KLHL32: variants seen among roughly 807,000 people sequenced by gnomAD.
The protein encoded by KLHL32 is kelch-like protein 32.
KLHL32 carries 35 observed loss-of-function variants against 64.8 expected under a neutral mutation model. The observed-to-expected ratio is 0.54, with a 90% CI of 0.41 to 0.72. KLHL32 has a LOEUF of 0.72. Ranked by LOEUF, KLHL32 falls within the 30% of genes least tolerant of loss-of-function variation. The pLI, the probability that KLHL32 is intolerant of heterozygous loss-of-function variation, is 0.00. For missense variants in KLHL32, 589 were observed against 768.5 expected (o/e 0.77, Z 2.76); for synonymous variants, 259 against 281.0 (o/e 0.92, Z 0.78).
intron 1 of KLHL32, among the ~76,000 whole-genome samples, chr6:96,928,713 C>T (rs1769478437): frequency 6.6e-6 from 1 of 152,002 alleles, no homozygotes; most frequent in African/African-American, 2.4e-5. Flanking sequence ...AAAGCATACA[C>T]GTTTTATATG....
intron 4 of KLHL32, among the ~76,000 whole-genome samples, chr6:97,049,366 G>A (rs1786465344): frequency 6.6e-6 from 1 of 152,140 alleles, no homozygotes; most frequent in Non-Finnish European, 1.5e-5. Flanking sequence ...GTTACTAACA[G>A]GCAGAGAGCA....
intron 5 of KLHL32, among the ~76,000 whole-genome samples, chr6:97,075,688 C>T (rs1791493419): frequency 6.6e-6 from 1 of 152,104 alleles, no homozygotes; most frequent in Non-Finnish European, 1.5e-5. Flanking sequence ...GCTTTCTCTA[C>T]TCCTGGAGTA....
chr6:97,032,015 C>G (rs1010167145), intron 3 of KLHL32, among the ~76,000 whole-genome samples: 1 of 152,174 alleles, frequency 6.6e-6, no homozygotes, highest in Non-Finnish European at 1.5e-5. Flanking sequence ...CCTATAACAA[C>G]CCTGTGAAGT....
chr6:97,052,739 G>A (rs763274499), intron 4 of KLHL32, among the ~76,000 whole-genome samples: 11 of 152,140 alleles, frequency 7.2e-5, no homozygotes, highest in Non-Finnish European at 1.6e-4. Context: ...GATTGAGAAG[G>A]ACTTCTTAAA....
chr6:96,974,799 T>C (rs915641444), intron 2 of KLHL32, among the ~76,000 whole-genome samples: 1 of 152,230 alleles, frequency 6.6e-6, no homozygotes, highest in African/African-American at 2.4e-5. Flanking sequence ...ACTAGGCTGG[T>C]GGCAACTCTG....
intron 8 of KLHL32, 135 bp from the exon 9 acceptor site, chr6:97,130,622 T>C: frequency 1.6e-6 from 1 of 626,526 alleles, no homozygotes; most frequent in East Asian, 2.8e-5. Flanking sequence ...TCAATATATA[T>C]AAACAACATT....
At chr6:97,064,605 A>G (rs370277937) in intron 4 of KLHL32, 23 bp from the exon 5 acceptor site, 1 of 1,581,966 alleles carries the variant, frequency 6.3e-7, no homozygotes, top group African/African-American at 1.3e-5. Context: ...TGATAGTTTT[A>G]TTTTTGTTAA....
intron 4 of KLHL32, among the ~76,000 whole-genome samples, chr6:97,062,782 A>G (rs1789122501): frequency 2.6e-5 from 4 of 152,368 alleles, no homozygotes; most frequent in South Asian, 2.1e-4. Context: ...AAATTAGCAA[A>G]TAGGCAAAAA....
intron 3 of KLHL32, among the ~76,000 whole-genome samples, chr6:96,988,915 G>A (rs926384950): frequency 3.9e-4 from 59 of 152,116 alleles, no homozygotes; most frequent in African/African-American, 1.4e-3. Context: ...GAGAACACAT[G>A]GAGACAGGAA....
At chr6:97,033,738 C>T (rs975939444) in intron 3 of KLHL32, among the ~76,000 whole-genome samples, 1 of 152,068 alleles carries the variant, frequency 6.6e-6, no homozygotes, top group Non-Finnish European at 1.5e-5. Context: ...GAGGAGACCC[C>T]TCATTGTGGT....
At chr6:96,983,049 G>A (rs563871899) in intron 3 of KLHL32, among the ~76,000 whole-genome samples, 5 of 152,320 alleles carry the variant, frequency 3.3e-5, no homozygotes, top group African/African-American at 9.6e-5. Flanking sequence ...TTTGAGATAC[G>A]TCCCATCAAT....
chr6:96,969,035 G>C (rs763056427), intron 2 of KLHL32, among the ~76,000 whole-genome samples: 4 of 152,124 alleles, frequency 2.6e-5, no homozygotes, highest in Non-Finnish European at 5.9e-5. Context: ...TGTAGTCGGG[G>C]TCATTGTCCT....
At chr6:96,980,988 G>A (rs918619413) in intron 3 of KLHL32, among the ~76,000 whole-genome samples, 13 of 147,700 alleles carry the variant, frequency 8.8e-5, no homozygotes, top group Non-Finnish European at 1.6e-4. Flanking sequence ...AGCAAGAAGT[G>A]CAGAGCAAAG....
chr6:97,107,177 C>T (rs549516708), intron 6 of KLHL32, among the ~76,000 whole-genome samples: 148 of 151,988 alleles, frequency 9.7e-4, no homozygotes, highest in African/African-American at 3.5e-3. Context: ...CCTGTAGTCC[C>T]AGCTACTCGG....
chr6:97,115,613 G>A (rs114490679), intron 7 of KLHL32, among the ~76,000 whole-genome samples: 116 of 152,314 alleles, frequency 7.6e-4, no homozygotes, highest in African/African-American at 2.8e-3. Flanking sequence ...TACAGAAGGA[G>A]TCTGTGAGGC....
chr6:97,098,360 G>A (rs1274865418), intron 6 of KLHL32, among the ~76,000 whole-genome samples: 1 of 151,906 alleles, frequency 6.6e-6, no homozygotes, highest in Non-Finnish European at 1.5e-5. Flanking sequence ...TTTATTTGTT[G>A]TCTTCATTAT....
chr6:97,139,111 T>A lies in KLHL32; in HGVS notation c.1702-10T>A. 5 of 1,603,306 alleles carry A rather than the reference T, an allele frequency of 3.1e-6. No individual in the cohort carries two copies. The highest frequency in any genetic ancestry group is 4.2e-6 in the Non-Finnish European group (5 of 1,176,670). ...TTGATACACAAGCTTCTTCTCTTCC[T>A]CTTTTGTAGGTACTGGATGTAAGCA... On this transcript the variant is annotated splice_polypyrimidine_tract_variant and intron_variant, in intron 10 of 10. Coordinates refer to ENST00000369261, the MANE Select transcript of KLHL32 (RefSeq NM_052904.4).
At chr6:97,122,477 G>A (rs1798465506) in intron 7 of KLHL32, among the ~76,000 whole-genome samples, 1 of 152,064 alleles carries the variant, frequency 6.6e-6, no homozygotes, top group African/African-American at 2.4e-5. Flanking sequence ...AGGTAAGTTT[G>A]GTTTTGCATT....
intron 6 of KLHL32, among the ~76,000 whole-genome samples, chr6:97,086,879 T>A (rs915450290): frequency 1.3e-5 from 2 of 152,232 alleles, no homozygotes; most frequent in Non-Finnish European, 2.9e-5. Flanking sequence ...AGATTTGGAA[T>A]GAATCCTGCA....
Sources: allele counts gnomAD v4.1 joint callset (sites outside exome capture counted in the v4.1 genomes callset), GRCh38; gene constraint gnomAD v4.1.1; transcripts MANE v1.5; gene names NCBI Gene and HGNC (gene_info 2026-07-23, HGNC 2026-07-21).